CPNE4: variants seen among roughly 807,000 people sequenced by gnomAD.
CPNE4 encodes the protein copine 4, also known as copine-4.
In CPNE4, 25 loss-of-function variants were observed where a neutral mutation model predicts 67.9. The observed-to-expected ratio is 0.37, with a 90% CI of 0.27 to 0.51. CPNE4 has a LOEUF of 0.51. Ranked by LOEUF, CPNE4 falls within the 20% of genes least tolerant of loss-of-function variation. CPNE4 has a pLI of 0.93. For synonymous variants in CPNE4, 242 were observed against 244.9 expected (o/e 0.99, Z 0.11); for missense variants, 464 against 690.8 (o/e 0.67, Z 3.68).
At chr3:132,030,250 G>A (rs565284453) in intron 1 of CPNE4, among the ~76,000 whole-genome samples, 1 of 152,334 alleles carries the variant, frequency 6.6e-6, no homozygotes, top group African/African-American at 2.4e-5. Context: ...AAGGGTTGTT[G>A]AATGAGTCTC....
intron 1 of CPNE4, among the ~76,000 whole-genome samples, chr3:131,930,731 G>A (rs1158514760): frequency 6.6e-6 from 1 of 152,088 alleles, no homozygotes; most frequent in Non-Finnish European, 1.5e-5. Context: ...CCAATTATAT[G>A]TGGTTCTCTT....
intron 2 of CPNE4, among the ~76,000 whole-genome samples, chr3:131,860,575 A>G (rs73203876): frequency 0.076 from 11,649 of 152,280 alleles, 588 homozygotes; most frequent in East Asian, 0.17. Flanking sequence ...GCATTTAATG[A>G]AAACAGTGTG....
At chr3:131,901,207 T>C (rs2088540032) in intron 2 of CPNE4, among the ~76,000 whole-genome samples, 1 of 152,112 alleles carries the variant, frequency 6.6e-6, no homozygotes, top group African/African-American at 2.4e-5. Flanking sequence ...GAAGTGTTTG[T>C]TTGTACCACT....
intron 3 of CPNE4, among the ~76,000 whole-genome samples, chr3:131,707,380 C>G (rs1308096543): frequency 6.6e-6 from 1 of 152,162 alleles, no homozygotes; most frequent in African/African-American, 2.4e-5. Flanking sequence ...CTCTGTGTCG[C>G]TAGAATTGGG....
intron 3 of CPNE4, among the ~76,000 whole-genome samples, chr3:131,704,454 A>T (rs2081372804): frequency 6.6e-6 from 1 of 152,178 alleles, no homozygotes; most frequent in African/African-American, 2.4e-5. Context: ...GACTTGTCCC[A>T]GTGAAATGAA....
At chr3:132,013,473 T>C (rs373250330) in intron 1 of CPNE4, among the ~76,000 whole-genome samples, 1 of 152,192 alleles carries the variant, frequency 6.6e-6, no homozygotes, top group East Asian at 1.9e-4. Flanking sequence ...CAGGAAGTCA[T>C]GATGATATAT....
chr3:131,705,006 A>G (rs1156588678), intron 3 of CPNE4, among the ~76,000 whole-genome samples: 5 of 152,062 alleles, frequency 3.3e-5, no homozygotes, highest in African/African-American at 1.2e-4. Flanking sequence ...GATCATGCAC[A>G]TACACGAACT....
chr3:131,687,598 A>C (rs956081324), intron 5 of CPNE4, among the ~76,000 whole-genome samples: 2 of 152,102 alleles, frequency 1.3e-5, no homozygotes, highest in African/African-American at 4.8e-5. Context: ...CCAGAGTCAA[A>C]CTCGTTATTT....
rs1583568166 is a variant in CPNE4, at chr3:131,990,462, T to A, written c.-2+44105A>T. On this transcript the variant is annotated intron_variant, in intron 1 of 15. Coordinates refer to ENST00000429747, the MANE Select transcript of CPNE4 (RefSeq NM_130808.3). ...AATGTTGTTTTTGGTTCTTTTTCTTTTTTTTAAACACCCCCTGCCCCCAGT... is the reference window on the plus strand; with the variant it reads ...AATGTTGTTTTTGGTTCTTTTTCTTATTTTTAAACACCCCCTGCCCCCAGT... 4.4e-5 allele frequency among the ~76,000 whole-genome samples: 6 copies of A among 135,804 alleles called. No individual in the cohort carries two copies. The South Asian group carries it at 1.5e-3, about 35-fold the overall frequency. 89.1% of individuals were successfully genotyped at this position (135,804 alleles called of 152,430 possible).
intron 2 of CPNE4, among the ~76,000 whole-genome samples, chr3:131,864,913 C>G (rs573178360): frequency 6.6e-6 from 1 of 151,842 alleles, no homozygotes; most frequent in Non-Finnish European, 1.5e-5. Context: ...GTTTTTAGCA[C>G]GAAGGGTTGT....
rs1318530895 is a variant in CPNE4, at chr3:131,533,948, C to T, written c.*1247G>A. ...CTTATATTGAAACAAAACACCTCGACCCCAGACAATAATTCCAGGCATTTC... is the reference window on the plus strand; with the variant it reads ...CTTATATTGAAACAAAACACCTCGATCCCAGACAATAATTCCAGGCATTTC... On this transcript the variant is annotated 3_prime_UTR_variant, in exon 16 of 16. Transcript: ENST00000429747. The T allele has an allele frequency of 6.6e-6, 1 of 152,166 alleles. No homozygotes were observed. The highest frequency in any genetic ancestry group is 1.5e-5 in the Non-Finnish European group (1 of 68,034). The allele number at this position is 152,166 out of a possible 1,614,324, so 9.4% of individuals were successfully genotyped here.
intron 1 of CPNE4, among the ~76,000 whole-genome samples, chr3:131,972,519 G>A (rs930424306): frequency 5.3e-5 from 8 of 152,086 alleles, no homozygotes; most frequent in Admixed American, 3.9e-4. Flanking sequence ...GAAAAACATC[G>A]GGCCCCCAAG....
chr3:131,914,764 G>A (rs560938314), intron 1 of CPNE4, among the ~76,000 whole-genome samples: 20 of 152,274 alleles, frequency 1.3e-4, no homozygotes, highest in African/African-American at 4.6e-4. Context: ...ATCACCTGAG[G>A]TTGGGAGTTC....
At chr3:131,585,498 C>T (rs1275200402) in intron 8 of CPNE4, among the ~76,000 whole-genome samples, 2 of 152,190 alleles carry the variant, frequency 1.3e-5, no homozygotes, top group Non-Finnish European at 2.9e-5. Flanking sequence ...GCATATGGTC[C>T]ATTTCCTCAG....
chr3:131,799,378 T>C (rs556783500), intron 2 of CPNE4, among the ~76,000 whole-genome samples: 62 of 152,282 alleles, frequency 4.1e-4, no homozygotes, highest in Admixed American at 2.1e-3. Context: ...AGAATCCTCC[T>C]TCACGGGCCT....
intron 7 of CPNE4, among the ~76,000 whole-genome samples, chr3:131,649,096 G>A (rs1047129371): frequency 1.2e-4 from 18 of 152,152 alleles, no homozygotes; most frequent in African/African-American, 4.3e-4. Context: ...GCTGTGCCCA[G>A]GTGAAAAATT....
chr3:131,783,655 G>A (rs1199397323), intron 2 of CPNE4, among the ~76,000 whole-genome samples: 3 of 151,878 alleles, frequency 2.0e-5, no homozygotes, highest in Non-Finnish European at 4.4e-5. Flanking sequence ...AGTTCACTGG[G>A]GTATATTGAT....
chr3:131,870,373 C>T (rs2087145827), intron 2 of CPNE4, among the ~76,000 whole-genome samples: 1 of 152,114 alleles, frequency 6.6e-6, no homozygotes, highest in Non-Finnish European at 1.5e-5. Context: ...TCGACAGAAG[C>T]CATACTTACA....
intron 1 of CPNE4, among the ~76,000 whole-genome samples, chr3:131,941,169 T>C (rs911506919): frequency 2.0e-5 from 3 of 152,066 alleles, no homozygotes; most frequent in African/African-American, 7.2e-5. Context: ...TTCAGAAATT[T>C]TGCAAGCTGG....
Sources: allele counts gnomAD v4.1 joint callset (sites outside exome capture counted in the v4.1 genomes callset), GRCh38; gene constraint gnomAD v4.1.1; transcripts MANE v1.5; gene names NCBI Gene and HGNC (gene_info 2026-07-23, HGNC 2026-07-21).